EYS: variants seen among roughly 807,000 people sequenced by gnomAD.
The protein encoded by EYS is EGF-like photoreceptor maintenance factor.
In EYS, 250 loss-of-function variants were observed where a neutral mutation model predicts 282.1. That is an observed-to-expected ratio of 0.89 (90% CI 0.80 to 0.98). EYS has a LOEUF of 0.98. EYS is among the 50% of genes least tolerant of loss of function. EYS has a pLI of 0.00. For synonymous variants in EYS, 1,355 were observed against 1,282.9 expected (o/e 1.06, Z -1.20); for missense variants, 4,016 against 3,709.0 (o/e 1.08, Z -2.15).
intron 12 of EYS, among the ~76,000 whole-genome samples, chr6:65,215,174 A>T (rs189778923): frequency 1.6e-3 from 247 of 152,266 alleles, no homozygotes; most frequent in African/African-American, 5.8e-3. Context: ...TACCATAGAT[A>T]GTGATTCCAC....
At chr6:63,930,049 T>G (rs144465495) in intron 35 of EYS, among the ~76,000 whole-genome samples, 10 of 152,304 alleles carry the variant, frequency 6.6e-5, no homozygotes, top group African/African-American at 2.2e-4. Flanking sequence ...CTTGCCTTAT[T>G]TGCTGTCCTC....
intron 8 of EYS, among the ~76,000 whole-genome samples, chr6:65,379,410 T>C (rs1462273494): frequency 6.6e-6 from 1 of 152,092 alleles, no homozygotes; most frequent in African/African-American, 2.4e-5. Flanking sequence ...TCGACGAAAT[T>C]CAACACCGCT....
chr6:65,008,380 A>T (rs1771756189), intron 13 of EYS, among the ~76,000 whole-genome samples: 2 of 152,128 alleles, frequency 1.3e-5, no homozygotes, highest in Admixed American at 1.3e-4. Flanking sequence ...CCCGGAGCAA[A>T]ACTTAGAAAC....
At chr6:64,511,788 T>C (rs574607283) in intron 26 of EYS, among the ~76,000 whole-genome samples, 145 of 151,282 alleles carry the variant, frequency 9.6e-4, no homozygotes, top group African/African-American at 3.1e-3. Context: ...GAATTTTGTT[T>C]GTGTGATTTA....
chr6:65,408,896 G>A (rs1413624565), intron 5 of EYS, among the ~76,000 whole-genome samples: 1 of 152,040 alleles, frequency 6.6e-6, no homozygotes, highest in Non-Finnish European at 1.5e-5. Flanking sequence ...TTTTAGCTAA[G>A]CACTGTCTTA....
At chr6:63,785,358 C>T (rs1458608521) in intron 39 of EYS, among the ~76,000 whole-genome samples, 2 of 152,160 alleles carry the variant, frequency 1.3e-5, no homozygotes, top group Non-Finnish European at 2.9e-5. Context: ...CTTATTCCTC[C>T]TTTCCCTTCT....
chr6:64,257,766 GGATGATGATGATGAT>G (rs3072582), intron 30 of EYS, among the ~76,000 whole-genome samples: 9 of 149,210 alleles, frequency 6.0e-5, no homozygotes, highest in African/African-American at 1.7e-4. Context: ...TGAATGGTGT[GGATGATGATGATGAT>G]GATGATGATG....
chr6:65,669,747 A>T (rs1768321417), intron 1 of EYS, among the ~76,000 whole-genome samples: 1 of 151,878 alleles, frequency 6.6e-6, no homozygotes, highest in South Asian at 2.1e-4. Flanking sequence ...CATTACTATC[A>T]TTGTGTAAAA....
intron 22 of EYS, among the ~76,000 whole-genome samples, chr6:64,692,411 G>T (rs1201219211): frequency 1.3e-5 from 2 of 152,070 alleles, no homozygotes; most frequent in African/African-American, 2.4e-5. Flanking sequence ...CTCCCATTTT[G>T]TAGGTTATCT....
intron 36 of EYS, among the ~76,000 whole-genome samples, chr6:63,862,089 T>G (rs1465208393): frequency 6.6e-6 from 1 of 152,202 alleles, no homozygotes; most frequent in African/African-American, 2.4e-5. Flanking sequence ...GCCATACTCC[T>G]TATTCTTTAG....
intron 26 of EYS, among the ~76,000 whole-genome samples, chr6:64,487,271 C>A: frequency 6.6e-6 from 1 of 150,822 alleles, no homozygotes; most frequent in Non-Finnish European, 1.5e-5. Flanking sequence ...TTATTATTGC[C>A]AAAATGTTTG....
At chr6:64,093,168 A>C (rs958875197) in intron 31 of EYS, among the ~76,000 whole-genome samples, 1 of 152,010 alleles carries the variant, frequency 6.6e-6, no homozygotes, top group Non-Finnish European at 1.5e-5. Flanking sequence ...CTTGTAGGAT[A>C]GTTTGAAGTC....
intron 29 of EYS, among the ~76,000 whole-genome samples, chr6:64,357,842 C>T (rs1439436021): frequency 3.3e-5 from 5 of 151,514 alleles, no homozygotes; most frequent in Non-Finnish European, 5.9e-5. Context: ...TCAGATTTTG[C>T]CCAAGAGCAG....
At chr6:63,851,164 A>T (rs1271262295) in intron 36 of EYS, among the ~76,000 whole-genome samples, 1 of 152,202 alleles carries the variant, frequency 6.6e-6, no homozygotes, top group African/African-American at 2.4e-5. Context: ...GATCATCCAG[A>T]TTCATAAAGC....
intron 19 of EYS, among the ~76,000 whole-genome samples, chr6:64,872,072 G>C (rs1028679852): frequency 2.0e-5 from 3 of 151,958 alleles, no homozygotes; most frequent in Non-Finnish European, 4.4e-5. Context: ...CTGAAGTTAT[G>C]GTGGTAGCAA....
At chr6:64,093,124 G>A (rs1233282401) in intron 31 of EYS, among the ~76,000 whole-genome samples, 1 of 151,930 alleles carries the variant, frequency 6.6e-6, no homozygotes, top group Non-Finnish European at 1.5e-5. Flanking sequence ...TCTCTGTTTT[G>A]GTACCAGTAC....
intron 37 of EYS, among the ~76,000 whole-genome samples, chr6:63,802,716 C>T (rs778691312): frequency 6.6e-6 from 1 of 151,988 alleles, no homozygotes; most frequent in East Asian, 1.9e-4. Context: ...CGTTATACCC[C>T]ATAAATATGT....
chr6:63,988,245 C>T (rs967510094), intron 34 of EYS, among the ~76,000 whole-genome samples: 10 of 151,642 alleles, frequency 6.6e-5, no homozygotes, highest in African/African-American at 2.4e-4. Flanking sequence ...CACTGAGGAT[C>T]TCTGACATCT....
At chr6:64,181,117 T>C (rs1425722550) in intron 31 of EYS, among the ~76,000 whole-genome samples, 1 of 152,046 alleles carries the variant, frequency 6.6e-6, no homozygotes, top group East Asian at 1.9e-4. Context: ...GAATAACATA[T>C]AAAACAAGTG....
Sources: gnomAD v4.1 joint callset for allele counts (sites outside exome capture counted in the v4.1 genomes callset) on GRCh38, gnomAD v4.1.1 for gene constraint, MANE v1.5 for transcripts, NCBI Gene and HGNC (gene_info 2026-07-23, HGNC 2026-07-21) for gene names.